CDH2: variants seen among roughly 807,000 people sequenced by gnomAD.
The protein encoded by CDH2 is cadherin 2.
In CDH2, 17 loss-of-function variants were observed where a neutral mutation model predicts 92.0. The ratio of observed to expected loss-of-function variants is 0.18; its 90% CI spans 0.13 to 0.28. The LOEUF (loss-of-function observed/expected upper bound fraction) is 0.28. Ranked by LOEUF, CDH2 falls within the 10% of genes least tolerant of loss-of-function variation. The pLI is 1.00. For missense variants in CDH2, 862 were observed against 1,133.1 expected (o/e 0.76, Z 3.44); for synonymous variants, 419 against 415.9 (o/e 1.01, Z -0.09).
chr18:27,964,016 G>C (rs1361733068), intron 14 of CDH2, among the ~76,000 whole-genome samples: 1 of 152,176 alleles, frequency 6.6e-6, no homozygotes, highest in Non-Finnish European at 1.5e-5. Context: ...TCTGGGCCCA[G>C]TGTGACCTAT....
intron 7 of CDH2, among the ~76,000 whole-genome samples, chr18:27,997,482 TA>T (rs1297206840): frequency 2.0e-5 from 3 of 152,218 alleles, no homozygotes; most frequent in East Asian, 3.9e-4. Flanking sequence ...GAACCTTCAA[TA>T]GTGCATACCA....
chr18:28,132,519 C>T (rs2015789576), intron 2 of CDH2, among the ~76,000 whole-genome samples: 2 of 152,074 alleles, frequency 1.3e-5, no homozygotes, highest in South Asian at 4.1e-4. Flanking sequence ...GGGCAAAAGA[C>T]AGAGGCAACG....
intron 2 of CDH2, among the ~76,000 whole-genome samples, chr18:28,077,168 G>T (rs941451137): frequency 1.3e-5 from 2 of 152,030 alleles, no homozygotes; most frequent in Non-Finnish European, 2.9e-5. Context: ...TGGAACACTG[G>T]CCACACTGCT....
chr18:28,023,755 C>T (rs576467), intron 2 of CDH2, among the ~76,000 whole-genome samples: 76,514 of 152,066 alleles, frequency 0.5, 19,396 homozygotes, highest in South Asian at 0.58. Flanking sequence ...AGCAATTATA[C>T]TAATGTCTTA....
At chr18:28,100,958 C>T (rs1005010488) in intron 2 of CDH2, among the ~76,000 whole-genome samples, 10 of 152,106 alleles carry the variant, frequency 6.6e-5, no homozygotes, top group African/African-American at 2.4e-4. Flanking sequence ...AGAATTCACT[C>T]TGACATATGC....
At chr18:28,021,104 C>G (rs531038026) in intron 2 of CDH2, among the ~76,000 whole-genome samples, 1 of 151,986 alleles carries the variant, frequency 6.6e-6, no homozygotes, top group Admixed American at 6.6e-5. Flanking sequence ...TGAATTGCCT[C>G]AAGCTGGTAT....
At chr18:27,953,122 CA>C (rs944851116) in intron 15 of CDH2, among the ~76,000 whole-genome samples, 18 of 151,894 alleles carry the variant, frequency 1.2e-4, no homozygotes, top group Non-Finnish European at 1.9e-4. Flanking sequence ...TTCTAACTTC[CA>C]AAAAATCCTA....
chr18:27,935,436 C>A (rs953260291), intron 6 of CDH2, among the ~76,000 whole-genome samples: 1 of 152,122 alleles, frequency 6.6e-6, no homozygotes, highest in Non-Finnish European at 1.5e-5. Context: ...TAGTGCTAAA[C>A]CACTGGAAAC....
In CDH2 at chr18:28,166,149, CATATATAT is replaced by C. The variant is rs35562216; in HGVS notation, c.60+10806_60+10813del. 2.4e-3 allele frequency among the ~76,000 whole-genome samples: 141 copies of C among 59,278 alleles called. 6 individuals are homozygous for C. The highest frequency in any genetic ancestry group is 0.019 in the East Asian group (37 of 1,950). The allele number at this position is 59,278 out of a possible 152,430, so 38.9% of individuals were successfully genotyped here. A position where few individuals can be genotyped will look rare whatever the true frequency, so the allele number is the denominator to read the frequency against. ...CAAAGAGGAGTAATTCAGACACACTCATATATATATATATATATATATATGTCTGTATT... is the reference window on the plus strand; with the variant it reads ...CAAAGAGGAGTAATTCAGACACACTCATATATATATATATATGTCTGTATT... On this transcript the variant is annotated intron_variant, in intron 1 of 15. Coordinates refer to ENST00000269141, the MANE Select transcript of CDH2 (RefSeq NM_001792.5).
At chr18:27,947,732 G>C (rs148867485), downstream of CDH2, among the ~76,000 whole-genome samples, 748 of 151,238 alleles carry the variant, frequency 4.9e-3, 6 homozygotes, top group African/African-American at 0.016. Flanking sequence ...TGTGATGTAA[G>C]CATATGTGAT....
chr18:28,054,679 C>T (rs192945302), intron 2 of CDH2, among the ~76,000 whole-genome samples: 2 of 152,260 alleles, frequency 1.3e-5, no homozygotes, highest in Admixed American at 6.5e-5. Flanking sequence ...TGTTTCCCTA[C>T]TAATGGAAGC....
At position 27,963,376 on chromosome 18, in the gene CDH2, A is replaced by G. The variant is rs2011458646; in HGVS notation, c.2495T>C (p.Ile832Thr). ...CTGTACCTCATTAATGAAGTCCCCAATGTCTCCAGGGTGTGGGGCTGCAGA... is the reference window on the plus strand; with the variant it reads ...CTGTACCTCATTAATGAAGTCCCCAGTGTCTCCAGGGTGTGGGGCTGCAGA... ...VRSAAPHPGDIGDFINEGLKA... is the reference protein window; with the variant it reads ...VRSAAPHPGDTGDFINEGLKA... Residue 832 changes from isoleucine to threonine, a missense_variant, in exon 15 of 16, where the codon ATT (isoleucine) becomes ACT (threonine). By Grantham distance (89) the Ile-to-Thr change is moderately conservative. Around this residue, in one of 5 missense-constraint regions of CDH2, gnomAD observed 114 missense variants for 144.8 expected, o/e 0.79. Coordinates refer to ENST00000269141, the MANE Select transcript of CDH2 (RefSeq NM_001792.5). 7 of 1,613,844 alleles carry G rather than the reference A, an allele frequency of 4.3e-6. No homozygotes were observed. Among genetic ancestry groups the G allele is most frequent in the Non-Finnish European group, 5.1e-6 (6 of 1,179,986 alleles).
chr18:27,972,665 T>C (rs944446242), intron 14 of CDH2, among the ~76,000 whole-genome samples: 2 of 152,168 alleles, frequency 1.3e-5, no homozygotes, highest in South Asian at 2.1e-4. Context: ...AAGTCACAGA[T>C]AGAGTTGCAA....
At chr18:28,165,906 T>TTA (rs1339746995) in intron 1 of CDH2, among the ~76,000 whole-genome samples, 1 of 151,792 alleles carries the variant, frequency 6.6e-6, no homozygotes. Context: ...ATGCCAAATG[T>TTA]ATTATTGTGT....
At chr18:27,978,268 A>C (rs1179432605) in intron 14 of CDH2, among the ~76,000 whole-genome samples, 1 of 152,352 alleles carries the variant, frequency 6.6e-6, no homozygotes, top group South Asian at 2.1e-4. Flanking sequence ...ACTTTGCAGA[A>C]TATAGTCAGA....
At chr18:28,086,244 T>A (rs1488175339) in intron 2 of CDH2, among the ~76,000 whole-genome samples, 2 of 152,206 alleles carry the variant, frequency 1.3e-5, no homozygotes, top group African/African-American at 4.8e-5. Flanking sequence ...TTTATTATCC[T>A]AAAGAAGTGG....
At chr18:28,085,225 G>A (rs971561226) in intron 2 of CDH2, among the ~76,000 whole-genome samples, 7 of 151,734 alleles carry the variant, frequency 4.6e-5, no homozygotes, top group Admixed American at 2.0e-4. Flanking sequence ...CATTCCTCCC[G>A]CCACCGGCCT....
At chr18:27,956,559 CATT>C (rs1567935573) in intron 15 of CDH2, among the ~76,000 whole-genome samples, 1 of 152,152 alleles carries the variant, frequency 6.6e-6, no homozygotes, top group African/African-American at 2.4e-5. Flanking sequence ...TGGAGGTCAT[CATT>C]ATATCTTGCC....
chr18:27,980,302 C>T (rs765570694), intron 14 of CDH2, among the ~76,000 whole-genome samples: 11 of 152,180 alleles, frequency 7.2e-5, no homozygotes, highest in South Asian at 4.1e-4. Flanking sequence ...TTGGGTGCAG[C>T]GCTGAAGAGC....
Sources: allele counts gnomAD v4.1 joint callset (sites outside exome capture counted in the v4.1 genomes callset), GRCh38; gene constraint gnomAD v4.1.1; regional missense constraint gnomAD v4.1.1; transcripts MANE v1.5; gene names NCBI Gene and HGNC (gene_info 2026-07-23, HGNC 2026-07-21).